Variants in WDR72 observed in about 807,000 individuals in gnomAD.
The protein encoded by WDR72 is WD repeat domain 72.
A neutral mutation model predicts 124.2 loss-of-function variants in WDR72; 120 were observed. The ratio of observed to expected loss-of-function variants is 0.97; its 90% confidence interval spans 0.83 to 1.12. The LOEUF is 1.12. Among genes scored for constraint, WDR72 ranks in the 50% most tolerant of loss-of-function variants. The pLI is 0.00. For synonymous variants in WDR72, 452 were observed against 441.7 expected (o/e 1.02, Z -0.29); for missense variants, 1,387 against 1,278.8 (o/e 1.08, Z -1.29).
intron 5 of WDR72, among the ~76,000 whole-genome samples, chr15:53,714,892 TAATCCAC>T (rs2017660679): frequency 6.6e-6 from 1 of 152,186 alleles, no homozygotes; most frequent in Non-Finnish European, 1.5e-5. Context: ...GGAGTCCTGC[TAATCCAC>T]AACAAAACCT....
At chr15:53,690,130 T>C (rs1321749691) in intron 13 of WDR72, among the ~76,000 whole-genome samples, 2 of 150,808 alleles carry the variant, frequency 1.3e-5, no homozygotes, top group African/African-American at 4.9e-5. Context: ...GACAAGTTAG[T>C]GGGTGCAGCG....
intron 14 of WDR72, among the ~76,000 whole-genome samples, chr15:53,632,156 A>C (rs1162159308): frequency 1.3e-5 from 2 of 151,952 alleles, no homozygotes; most frequent in Non-Finnish European, 2.9e-5. Flanking sequence ...TAAGGACTAA[A>C]TGGTTTCCTG....
intron 1 of WDR72, among the ~76,000 whole-genome samples, chr15:53,738,773 A>AT (rs1227894153): frequency 2.6e-5 from 4 of 151,946 alleles, no homozygotes; most frequent in African/African-American, 9.7e-5. Flanking sequence ...TGCCTAGCTA[A>AT]TTTTTTTATT....
chr15:53,714,043 A>G (rs930802710), intron 6 of WDR72, among the ~76,000 whole-genome samples: 1 of 151,596 alleles, frequency 6.6e-6, no homozygotes, highest in African/African-American at 2.4e-5. Context: ...AATATACTGG[A>G]CTCCCCAGGG....
At chr15:53,539,060 G>A (rs1003992462) in intron 18 of WDR72, among the ~76,000 whole-genome samples, 8 of 152,016 alleles carry the variant, frequency 5.3e-5, no homozygotes, top group Admixed American at 6.6e-5. Flanking sequence ...AGATTCTGAT[G>A]ACAACACTTT....
rs199902390 is a variant in WDR72, at chr15:53,714,108, G to GA, written c.591+325dup. 6.4e-3 allele frequency among the ~76,000 whole-genome samples: 965 copies of GA among 151,594 alleles called. 10 individuals carry two copies. The highest frequency in any genetic ancestry group is 0.022 in the African/African-American group (928 of 41,312). ...GCTTGCCACTGTTCACATATACTCA[G>GA]AAAAAAGGGGGATTTCCTCTGTAAC... is the stretch of plus-strand genomic sequence containing the variant. On this transcript the variant is annotated intron_variant, in intron 6 of 19. Transcript: ENST00000360509.
chr15:53,591,879 AG>A (rs893819151), intron 18 of WDR72, among the ~76,000 whole-genome samples: 54 of 152,056 alleles, frequency 3.6e-4, no homozygotes, highest in African/African-American at 1.3e-3. Context: ...TGATTAGTTT[AG>A]TTAAAAACTA....
intron 14 of WDR72, among the ~76,000 whole-genome samples, chr15:53,646,500 G>A (rs539646449): frequency 1.3e-5 from 2 of 151,998 alleles, no homozygotes; most frequent in African/African-American, 4.8e-5. Context: ...GTGAGGGATA[G>A]AAAAAGAAAA....
At chr15:53,559,958 C>T (rs982192623) in intron 18 of WDR72, among the ~76,000 whole-genome samples, 13 of 151,892 alleles carry the variant, frequency 8.6e-5, no homozygotes, top group Admixed American at 6.6e-5. Context: ...AATAAAAAGC[C>T]TTTGATACAT....
chr15:53,632,992 G>A (rs1229308588), intron 14 of WDR72, among the ~76,000 whole-genome samples: 2 of 152,192 alleles, frequency 1.3e-5, no homozygotes, highest in East Asian at 3.9e-4. Flanking sequence ...AGTTTATGAT[G>A]AAACAAGTTA....
rs139691860 is a variant in WDR72, at chr15:53,566,895, T to G, written c.3148+30184A>C. On this transcript the variant is annotated intron_variant, in intron 18 of 19. Transcript: ENST00000360509. Reference sequence around the variant, plus strand: ...GTTACTGGAACATACCCACCAACACTGTCTTGCACAGGTGATAGTCCTGGG... The same window carrying G: ...GTTACTGGAACATACCCACCAACACGGTCTTGCACAGGTGATAGTCCTGGG... 3.9e-5 allele frequency among the ~76,000 whole-genome samples: 6 copies of G among 152,050 alleles called. No homozygotes were observed. The East Asian group carries it at 1.2e-3, about 30-fold the overall frequency.
intron 18 of WDR72, among the ~76,000 whole-genome samples, chr15:53,559,173 C>T (rs1872918): frequency 0.79 from 108,172 of 137,302 alleles, 39,704 homozygotes; most frequent in East Asian, 0.95. Flanking sequence ...TTTTTTTTTT[C>T]ATTTTAGGAT....
At chr15:53,556,291 G>A (rs1414988976) in intron 18 of WDR72, among the ~76,000 whole-genome samples, 2 of 152,082 alleles carry the variant, frequency 1.3e-5, no homozygotes, top group South Asian at 4.1e-4. Flanking sequence ...ATCAGCATAA[G>A]AACAAATTGT....
intron 14 of WDR72, among the ~76,000 whole-genome samples, chr15:53,619,879 T>C (rs1397803612): frequency 2.3e-4 from 35 of 152,066 alleles, no homozygotes; most frequent in Admixed American, 2.3e-3. Flanking sequence ...TTACTCTTTA[T>C]TTGTAGAGAA....
At chr15:53,626,267 T>C (rs1024607748) in intron 14 of WDR72, among the ~76,000 whole-genome samples, 1 of 152,190 alleles carries the variant, frequency 6.6e-6, no homozygotes, top group African/African-American at 2.4e-5. Flanking sequence ...TCAGAAGCCG[T>C]GGGTCACGGA....
At chr15:53,751,189 A>G (rs1265825086) in intron 1 of WDR72, among the ~76,000 whole-genome samples, 1 of 151,940 alleles carries the variant, frequency 6.6e-6, no homozygotes, top group Non-Finnish European at 1.5e-5. Flanking sequence ...TGTGAGGATC[A>G]CCTGAGGCCA....
At position 53,515,627 on chromosome 15, in the gene WDR72, A is replaced by T. The variant is rs1891417680; in HGVS notation, c.*2072T>A. The T allele has an allele frequency of 6.6e-6, 1 of 152,186 alleles. No individual in the cohort carries two copies. The highest frequency in any genetic ancestry group is 2.1e-4 in the South Asian group (1 of 4,824). 9.4% of individuals were successfully genotyped at this position (152,186 alleles called of 1,614,324 possible). The stretch of plus-strand genomic sequence containing the variant: ...CTTAGTCATTTAACAGGAATGTTTA[A>T]ATTTTAGAGATTCTAACATGCGATG... On this transcript the variant is annotated 3_prime_UTR_variant, in exon 20 of 20. Transcript: ENST00000360509.
At chr15:53,574,440 A>C (rs1368680193) in intron 18 of WDR72, among the ~76,000 whole-genome samples, 1 of 152,188 alleles carries the variant, frequency 6.6e-6, no homozygotes, top group Non-Finnish European at 1.5e-5. Context: ...TAATAGATAA[A>C]ATATTCACCA....
At chr15:53,572,422 T>C (rs554306380) in intron 18 of WDR72, among the ~76,000 whole-genome samples, 80 of 72,368 alleles carry the variant, frequency 1.1e-3, no homozygotes, top group African/African-American at 3.1e-3. Flanking sequence ...TATATTTTTT[T>C]GCCCTACCTA....
Sources: allele counts gnomAD v4.1 joint callset (sites outside exome capture counted in the v4.1 genomes callset), GRCh38; gene constraint gnomAD v4.1.1; transcripts MANE v1.5; gene names NCBI Gene and HGNC (gene_info 2026-07-23, HGNC 2026-07-21).